The following LEMD1 variants were observed in gnomAD, a reference collection of about 807,000 sequenced individuals.
The protein encoded by LEMD1 is LEM domain containing 1.
In LEMD1, 18 loss-of-function variants were observed where a neutral mutation model predicts 17.4. The ratio of observed to expected loss-of-function variants is 1.04; its 90% CI spans 0.72 to 1.54. The LOEUF (loss-of-function observed/expected upper bound fraction) is 1.54, where lower values mean the gene tolerates loss of function less well. LEMD1 is among the 40% of genes most tolerant of loss of function. The pLI, the probability that LEMD1 is intolerant of heterozygous loss-of-function variation, is 0.00. For missense variants in LEMD1, 195 were observed against 210.4 expected (o/e 0.93, Z 0.45); for synonymous variants, 88 against 77.8 (o/e 1.13, Z -0.69).
chr1:205,395,821 G>A (rs1664567656), intron 4 of LEMD1, among the ~76,000 whole-genome samples: 1 of 151,716 alleles, frequency 6.6e-6, no homozygotes, highest in Non-Finnish European at 1.5e-5. Context: ...TAAAAAATGG[G>A]CAAAAGACAT....
At chr1:205,399,336 A>G (rs893281282) in intron 4 of LEMD1, among the ~76,000 whole-genome samples, 4 of 152,252 alleles carry the variant, frequency 2.6e-5, no homozygotes, top group Non-Finnish European at 4.4e-5. Flanking sequence ...ATGATTAGAA[A>G]GAACATTGGG....
intron 3 of LEMD1, among the ~76,000 whole-genome samples, chr1:205,418,375 G>A (rs1665794871): frequency 1.3e-5 from 2 of 152,154 alleles, no homozygotes; most frequent in South Asian, 4.1e-4. Flanking sequence ...CCCAGAGCAG[G>A]GGCCACTGTC....
intron 1 of LEMD1, among the ~76,000 whole-genome samples, chr1:205,449,511 T>G (rs1033179354): frequency 2.0e-5 from 3 of 152,106 alleles, no homozygotes; most frequent in African/African-American, 7.2e-5. Context: ...GCTGGCTCCC[T>G]GCACAACCCT....
At chr1:205,400,805 T>C in intron 4 of LEMD1, among the ~76,000 whole-genome samples, 2 of 149,282 alleles carry the variant, frequency 1.3e-5, no homozygotes, top group East Asian at 2.0e-4. Context: ...CCCATTAACT[T>C]GTCATTTAGC....
intron 1 of LEMD1, among the ~76,000 whole-genome samples, chr1:205,430,676 G>A (rs1478169225): frequency 2.6e-5 from 4 of 152,148 alleles, no homozygotes; most frequent in Admixed American, 2.6e-4. Flanking sequence ...TCTTCCACAC[G>A]CACACCTCCG....
Position 205,413,364 on chromosome 1 carries a change from T to C in LEMD1, c.270+2868A>G, listed in dbSNP as rs115617495. On this transcript the variant is annotated intron_variant, in intron 4 of 5. Coordinates refer to ENST00000367153, the MANE Select transcript of LEMD1 (RefSeq NM_001199050.2). ...GTGCAGTGGTGTCATCATGGCTTACTGCAGCCTCGACATCCCAAGCCTCAA... is the reference window on the plus strand; with the variant it reads ...GTGCAGTGGTGTCATCATGGCTTACCGCAGCCTCGACATCCCAAGCCTCAA... Among the ~76,000 whole-genome samples the C allele has an allele frequency of 7.4e-3, 1,121 of 152,232 alleles. 19 individuals carry two copies. The highest frequency in any genetic ancestry group is 0.026 in the African/African-American group (1,061 of 41,538).
chr1:205,406,157 A>G (rs1665090222), intron 4 of LEMD1, among the ~76,000 whole-genome samples: 1 of 152,224 alleles, frequency 6.6e-6, no homozygotes, highest in African/African-American at 2.4e-5. Context: ...GTCAGGGGTC[A>G]GGGACCCACT....
At chr1:205,430,577 C>T (rs1575003378) in intron 1 of LEMD1, among the ~76,000 whole-genome samples, 1 of 152,334 alleles carries the variant, frequency 6.6e-6, no homozygotes, top group African/African-American at 2.4e-5. Context: ...CGCCCATCAC[C>T]GTGGAGAACC....
chr1:205,390,355 TAAA>T (rs566363489), intron 4 of LEMD1, among the ~76,000 whole-genome samples: 1 of 136,022 alleles, frequency 7.4e-6, no homozygotes, highest in Non-Finnish European at 1.6e-5. Context: ...ACTCTCTCTC[TAAA>T]AAAAAAAAAA....
In LEMD1 at chr1:205,448,637, A is replaced by G. The variant is rs1180151527; in HGVS notation, c.-39+1231T>C. ...CACACAATGGTCCTCACTCCAGGGTATGAGGAGGGGTGGCTTCCTGGCCAT... is the reference window on the plus strand; with the variant it reads ...CACACAATGGTCCTCACTCCAGGGTGTGAGGAGGGGTGGCTTCCTGGCCAT... On this transcript the variant is annotated intron_variant, in intron 1 of 3. Coordinates refer to the LEMD1 transcript ENST00000367154. This position sits in a 1 kb window ranked among gnomAD's most constrained non-coding sequence, Gnocchi z 4.7. Among the ~76,000 whole-genome samples the G allele has an allele frequency of 1.3e-5, 2 of 151,788 alleles. No individual in the cohort carries two copies. Among genetic ancestry groups the G allele is most frequent in the African/African-American group, 4.8e-5 (2 of 41,420 alleles).
chr1:205,397,012 A>T (rs896736730), intron 4 of LEMD1, among the ~76,000 whole-genome samples: 2 of 152,214 alleles, frequency 1.3e-5, no homozygotes, highest in Non-Finnish European at 1.5e-5. Context: ...TCCAGCTACC[A>T]ATCTGCATAT....
At chr1:205,409,531 A>C (rs377400947) in intron 4 of LEMD1, among the ~76,000 whole-genome samples, 24 of 152,302 alleles carry the variant, frequency 1.6e-4, no homozygotes, top group African/African-American at 4.3e-4. Flanking sequence ...AAACTAAGAC[A>C]TAGAGAGGTT....
chr1:205,430,931 C>T (rs1465583372), intron 1 of LEMD1, among the ~76,000 whole-genome samples: 1 of 152,194 alleles, frequency 6.6e-6, no homozygotes, highest in African/African-American at 2.4e-5. Flanking sequence ...TCACACTTCC[C>T]CTCACCCCTC....
At position 205,381,766 on chromosome 1, in the gene LEMD1, G is replaced by A. The variant is rs1309400462; in HGVS notation, c.438C>T (p.Ser146=). The change falls in exon 6 of 6, where the codon AGC becomes AGT. Residue 146 remains serine, a synonymous_variant. Coordinates refer to ENST00000367153, the MANE Select transcript of LEMD1 (RefSeq NM_001199050.2). ...CCACTGGGAAACCTTCTTCTCTCCA[G>A]CTCTCGATAGTCTGGTCTTCCGCGC... ...DYCAEDQTIE[S]WREEGFPVGL... The A allele has an allele frequency of 6.2e-7, 1 of 1,614,166 alleles. No homozygotes were observed. The highest frequency in any genetic ancestry group is 1.1e-5 in the South Asian group (1 of 91,082).
chr1:205,430,942 G>A (rs940841317), intron 1 of LEMD1, among the ~76,000 whole-genome samples: 1 of 152,156 alleles, frequency 6.6e-6, no homozygotes, highest in African/African-American at 2.4e-5. Flanking sequence ...CTCACCCCTC[G>A]CTCCCTACCC....
intron 1 of LEMD1, among the ~76,000 whole-genome samples, chr1:205,438,652 A>G (rs1256059605): frequency 6.6e-6 from 1 of 152,192 alleles, no homozygotes; most frequent in African/African-American, 2.4e-5. Context: ...AGACAATTCC[A>G]GCTGCAGTGC....
chr1:205,408,482 T>TTTTC (rs201539359), intron 4 of LEMD1, among the ~76,000 whole-genome samples: 3,548 of 147,412 alleles, frequency 0.024, 91 homozygotes, highest in African/African-American at 0.057. Context: ...TTTAATAACT[T>TTTTC]TTTCTTTCTT....
At chr1:205,436,600 A>G (rs1666208988) in intron 1 of LEMD1, 1 of 152,228 alleles carries the variant, frequency 6.6e-6, no homozygotes, top group Non-Finnish European at 1.5e-5. Flanking sequence ...TGTTGGGAGC[A>G]GGGTGATGAT....
chr1:205,433,564 C>T lies in LEMD1; in HGVS notation c.-38-12990G>A, dbSNP rs1019866628. 3.9e-5 allele frequency among the ~76,000 whole-genome samples: 6 copies of T among 152,258 alleles called. No individual in the cohort carries two copies. The East Asian group carries it at 5.8e-4, about 15-fold the overall frequency. On this transcript the variant is annotated intron_variant, in intron 1 of 3. Transcript: ENST00000367154. Reference sequence around the variant, plus strand: ...CCTCCCACAGGGCTTTGCATAGGGCCGGGACTCAATATTGATAGAACAGAT... The same window carrying T: ...CCTCCCACAGGGCTTTGCATAGGGCTGGGACTCAATATTGATAGAACAGAT...
Sources: gnomAD v4.1 joint callset for allele counts (sites outside exome capture counted in the v4.1 genomes callset) on GRCh38, gnomAD v4.1.1 for gene constraint, Gnocchi (gnomAD v3.1) non-coding constraint, MANE v1.5 for transcripts, NCBI Gene and HGNC (gene_info 2026-07-23, HGNC 2026-07-21) for gene names.